The following SDK2 variants were observed in gnomAD, a reference collection of about 807,000 sequenced individuals.
The protein encoded by SDK2 is protein sidekick-2.
SDK2 carries 105 observed loss-of-function variants against 253.9 expected under a neutral mutation model. That is an observed-to-expected ratio of 0.41 (90% confidence interval 0.35 to 0.49). SDK2 has a LOEUF of 0.49. Ranked by LOEUF, SDK2 falls within the 20% of genes least tolerant of loss-of-function variation. SDK2 has a pLI of 0.06. For synonymous variants in SDK2, 1,249 were observed against 1,234.9 expected (o/e 1.01, Z -0.24); for missense variants, 2,608 against 3,003.0 (o/e 0.87, Z 3.07).
In SDK2 at chr17:73,352,364, G is replaced by T; in HGVS notation, c.5758+109C>A. ...GAGGGGACAATGTGTTTTTGTTCCCGCCCCATGCTCCTGGTGCCCTGGTGC... is the reference window on the plus strand; with the variant it reads ...GAGGGGACAATGTGTTTTTGTTCCCTCCCCATGCTCCTGGTGCCCTGGTGC... On this transcript the variant is annotated intron_variant, in intron 41 of 44. Coordinates refer to ENST00000392650, the MANE Select transcript of SDK2 (RefSeq NM_001144952.2). This position sits in a 1 kb window ranked among gnomAD's most constrained non-coding sequence, Gnocchi z 4.1. 3 of 1,350,610 alleles carry T rather than the reference G, an allele frequency of 2.2e-6. No individual in the cohort carries two copies. Among genetic ancestry groups the T allele is most frequent in the Non-Finnish European group, 1.0e-6 (1 of 998,012 alleles). 83.7% of individuals were successfully genotyped at this position (1,350,610 alleles called of 1,614,324 possible). A position where few individuals can be genotyped will look rare whatever the true frequency, so the allele number is the denominator to read the frequency against.
intron 1 of SDK2, among the ~76,000 whole-genome samples, chr17:73,527,337 G>T (rs2145796366): frequency 6.6e-6 from 1 of 152,296 alleles, no homozygotes; most frequent in African/African-American, 2.4e-5. Flanking sequence ...GGTGTGGATG[G>T]TGTGCAGATG....
At chr17:73,387,356 C>A (rs925571428) in intron 30 of SDK2, among the ~76,000 whole-genome samples, 2 of 152,084 alleles carry the variant, frequency 1.3e-5, no homozygotes. Flanking sequence ...TGGGAGCAAA[C>A]GTCTCTCTTT....
chr17:73,394,061 T>C (rs73345964), intron 26 of SDK2, 148 bp downstream of exon 26: 11,795 of 516,406 alleles, frequency 0.023, 1,122 homozygotes, highest in African/African-American at 0.2. Context: ...ATGGTTGCCA[T>C]GGTGACCATT....
chr17:73,345,337 A>G (rs2062473925), intron 44 of SDK2, among the ~76,000 whole-genome samples: 1 of 152,260 alleles, frequency 6.6e-6, no homozygotes, highest in South Asian at 2.1e-4. Context: ...AAAGAAAAAA[A>G]AAGAGAAAGA....
rs1035429634 is a variant in SDK2, at chr17:73,423,765, G to A, written c.1760+151C>T. 22 of 775,680 alleles carry A rather than the reference G, an allele frequency of 2.8e-5. No homozygotes were observed. In the African/African-American group the frequency reaches 3.8e-4, roughly 14 times the overall value. The allele number at this position is 775,680 out of a possible 1,614,324, so 48.0% of individuals were successfully genotyped here. ...CTAACTGAGCTGAGAGAAAGGCCTGGAAGGATGCTGGGGGTATGTCCTGAG... is the reference window on the plus strand; with the variant it reads ...CTAACTGAGCTGAGAGAAAGGCCTGAAAGGATGCTGGGGGTATGTCCTGAG... On this transcript the variant is annotated intron_variant, in intron 13 of 44. Coordinates refer to ENST00000392650, the MANE Select transcript of SDK2 (RefSeq NM_001144952.2).
chr17:73,554,783 AG>A (rs1285494187), intron 1 of SDK2, among the ~76,000 whole-genome samples: 4 of 152,226 alleles, frequency 2.6e-5, no homozygotes, highest in African/African-American at 7.2e-5. Context: ...CACCTTCTCC[AG>A]GAAGCCAGCT....
intron 1 of SDK2, among the ~76,000 whole-genome samples, chr17:73,560,800 T>C (rs1032823811): frequency 3.9e-5 from 6 of 152,204 alleles, no homozygotes; most frequent in African/African-American, 1.4e-4. Context: ...CTGTGAGGGT[T>C]GGTCAGATCA....
In SDK2 at chr17:73,511,650, C is replaced by T. The variant is rs1020521777; in HGVS notation, c.65-4053G>A. Among the ~76,000 whole-genome samples the T allele has an allele frequency of 2.6e-5, 4 of 152,160 alleles. No individual in the cohort carries two copies. Among genetic ancestry groups the T allele is most frequent in the African/African-American group, 9.7e-5 (4 of 41,440 alleles). On this transcript the variant is annotated intron_variant, in intron 1 of 44. Coordinates refer to ENST00000392650, the MANE Select transcript of SDK2 (RefSeq NM_001144952.2). The surrounding 1 kb of genome is among the most constrained non-coding windows in gnomAD (Gnocchi z 4.9). ...TGTGGTCCTCACAAGGTTCCTCTCCCCAAGCTCCTGCGGTGAAGTCACCCC... is the reference window on the plus strand; with the variant it reads ...TGTGGTCCTCACAAGGTTCCTCTCCTCAAGCTCCTGCGGTGAAGTCACCCC...
chr17:73,501,356 T>C (rs1323430704), intron 2 of SDK2, among the ~76,000 whole-genome samples: 1 of 152,184 alleles, frequency 6.6e-6, no homozygotes, highest in Non-Finnish European at 1.5e-5. Flanking sequence ...CCCCAGCACA[T>C]GCCCCAGGAA....
rs79971558 is a variant in SDK2, at chr17:73,534,240, T to C, written c.65-26643A>G. Among the ~76,000 whole-genome samples, 689 of 152,268 alleles carry C rather than the reference T, an allele frequency of 4.5e-3. 14 individuals carry two copies. The South Asian group carries it at 0.06, about 13-fold the overall frequency. ...GCTGAAGGAATGAATGCATGTGTAA[T>C]GAACGAATGAGGATCAAAAAGCAGA... On this transcript the variant is annotated intron_variant, in intron 1 of 44. Transcript: ENST00000392650. The surrounding 1 kb of genome is among the most constrained non-coding windows in gnomAD (Gnocchi z 4.9).
At chr17:73,425,157 T>A (rs1599554404) in intron 12 of SDK2, among the ~76,000 whole-genome samples, 2 of 151,136 alleles carry the variant, frequency 1.3e-5, no homozygotes, top group Non-Finnish European at 2.9e-5. Context: ...GAAGTGGAGG[T>A]TGCGGGGAGC....
At chr17:73,387,806 TG>T (rs774058400) in intron 30 of SDK2, 29 bp downstream of exon 30, 1 of 1,515,952 alleles carries the variant, frequency 6.6e-7, no homozygotes, top group South Asian at 1.3e-5. Context: ...AGAGGGGCAG[TG>T]GGGATGCTGG....
chr17:73,532,725 G>A (rs967025817), intron 1 of SDK2, among the ~76,000 whole-genome samples: 4 of 152,132 alleles, frequency 2.6e-5, no homozygotes, highest in African/African-American at 9.7e-5. Flanking sequence ...GGGGGGGCTG[G>A]AGGCTCTCTC....
intron 2 of SDK2, among the ~76,000 whole-genome samples, chr17:73,483,631 GTATATA>G (rs1167237578): frequency 3.7e-4 from 29 of 78,820 alleles, no homozygotes; most frequent in African/African-American, 1.2e-3. Context: ...ATATGTATAT[GTATATA>G]TATATGTGTG....
At chr17:73,439,960 G>A (rs2063401278) in intron 6 of SDK2, among the ~76,000 whole-genome samples, 1 of 152,172 alleles carries the variant, frequency 6.6e-6, no homozygotes, top group Admixed American at 6.5e-5. Flanking sequence ...TTAGCAGGAT[G>A]CAGGGCACGG....
intron 2 of SDK2, 37 bp downstream of exon 2, chr17:73,507,401 T>C: frequency 6.5e-7 from 1 of 1,538,580 alleles, no homozygotes; most frequent in Non-Finnish European, 8.8e-7. Flanking sequence ...GCAGTGGTCC[T>C]GGCAGCCAGG....
intron 1 of SDK2, among the ~76,000 whole-genome samples, chr17:73,605,991 G>GA (rs56397388): frequency 0.33 from 48,698 of 148,622 alleles, 8,649 homozygotes; most frequent in African/African-American, 0.5. Context: ...AGGAAAATAA[G>GA]AAAAAAAAAA....
chr17:73,572,571 A>G (rs2045402670), intron 1 of SDK2, among the ~76,000 whole-genome samples: 1 of 151,416 alleles, frequency 6.6e-6, no homozygotes, highest in Non-Finnish European at 1.5e-5. Context: ...TTGTGTAGTT[A>G]TTTGCTTATC....
In SDK2 at chr17:73,352,757, C is replaced by A; in HGVS notation, c.5594-120G>T. On this transcript the variant is annotated intron_variant, in intron 40 of 44. Transcript: ENST00000392650. This position sits in a 1 kb window ranked among gnomAD's most constrained non-coding sequence, Gnocchi z 4.1. ...CCTGTTGGATCCTCCCTGCTCCACA[C>A]TGAATCGCAGGCCTTGGTCCTCCCT... 4.9e-6 allele frequency: 5 copies of A among 1,019,850 alleles called. No homozygotes were observed. The highest frequency in any genetic ancestry group is 3.2e-5 in the South Asian group (2 of 63,274). 63.2% of individuals were successfully genotyped at this position (1,019,850 alleles called of 1,614,324 possible). A position where few individuals can be genotyped will look rare whatever the true frequency, so the allele number is the denominator to read the frequency against.
Sources: allele counts gnomAD v4.1 joint callset (sites outside exome capture counted in the v4.1 genomes callset), GRCh38; gene constraint gnomAD v4.1.1; non-coding constraint Gnocchi (gnomAD v3.1); transcripts MANE v1.5; gene names NCBI Gene and HGNC (gene_info 2026-07-23, HGNC 2026-07-21).